The following KCNQ1OT1 variants were observed in gnomAD, a reference collection of about 807,000 sequenced individuals.
KCNQ1OT1 encodes the protein KCNQ1 opposite strand/antisense transcript 1.
chr11:2,653,992 G>T lies in KCNQ1OT1; in HGVS notation n.46003C>A, dbSNP rs569112725. 2.5e-6 allele frequency: 1 copy of T among 398,654 alleles called. No individual in the cohort carries two copies. Among genetic ancestry groups the T allele is most frequent in the Non-Finnish European group, 4.4e-6 (1 of 226,086 alleles). 24.7% of individuals were successfully genotyped at this position (398,654 alleles called of 1,614,324 possible). On this transcript the variant is annotated non_coding_transcript_exon_variant, in exon 1 of 1. Coordinates refer to ENST00000597346, the Ensembl canonical transcript of KCNQ1OT1. The surrounding 1 kb of genome is among the most constrained non-coding windows in gnomAD (Gnocchi z 5.3). ...GCAAGGTATTTTCCTAAGCGGAACTGGGTGCCAGCTGTGAATATACATTTT... is the reference window on the plus strand; with the variant it reads ...GCAAGGTATTTTCCTAAGCGGAACTTGGTGCCAGCTGTGAATATACATTTT...
Position 2,669,059 on chromosome 11 carries a change from T to C in KCNQ1OT1, n.30936A>G, listed in dbSNP as rs539816209. 4 of 398,564 alleles carry C rather than the reference T, an allele frequency of 1.0e-5. No individual in the cohort carries two copies. The South Asian group carries it at 5.1e-4, about 51-fold the overall frequency. 24.7% of individuals were successfully genotyped at this position (398,564 alleles called of 1,614,324 possible). On this transcript the variant is annotated non_coding_transcript_exon_variant, in exon 1 of 1. Coordinates refer to ENST00000597346, the Ensembl canonical transcript of KCNQ1OT1. The surrounding 1 kb of genome is among the most constrained non-coding windows in gnomAD (Gnocchi z 5.6). ...ACCCGGCATGGGAAGGCCCGTCCTC[T>C]CCCAACTACCCTGCCGTATCAGTGT...
At position 2,624,446 on chromosome 11, in the gene KCNQ1OT1, T is replaced by G. The variant is rs1849229877; in HGVS notation, n.75549A>C. The G allele has an allele frequency of 1.8e-5, 7 of 398,404 alleles. No individual in the cohort carries two copies. The East Asian group carries it at 2.5e-4, about 14-fold the overall frequency. 24.7% of individuals were successfully genotyped at this position (398,404 alleles called of 1,614,324 possible). A position where few individuals can be genotyped will look rare whatever the true frequency, so the allele number is the denominator to read the frequency against. On this transcript the variant is annotated non_coding_transcript_exon_variant, in exon 1 of 1. Coordinates refer to ENST00000597346, the Ensembl canonical transcript of KCNQ1OT1. This position sits in a 1 kb window ranked among gnomAD's most constrained non-coding sequence, Gnocchi z 4.9. ...CAAAGTCTAGCTTATCAATTATTTCTTTCATGAATCATGCCTTTGGTGTCA... is the reference window on the plus strand; with the variant it reads ...CAAAGTCTAGCTTATCAATTATTTCGTTCATGAATCATGCCTTTGGTGTCA...
At chr11:2,609,797 C>T (rs1354023775) in exon 1 of KCNQ1OT1, 2 of 398,032 alleles carry the variant, frequency 5.0e-6, no homozygotes, top group Non-Finnish European at 4.4e-6. Context: ...CAGTAACATT[C>T]TTAATTTAAA....
chr11:2,633,081 T>A (rs1849389686), exon 1 of KCNQ1OT1: 6 of 398,404 alleles, frequency 1.5e-5, no homozygotes, highest in Non-Finnish European at 2.7e-5. Context: ...GCATTTGTTA[T>A]GTTTTGTCTT....
At chr11:2,667,560 C>T (rs1056147017) in exon 1 of KCNQ1OT1, 1 of 128,752 alleles carries the variant, frequency 7.8e-6, no homozygotes, top group Non-Finnish European at 1.6e-5. Flanking sequence ...GGAGACACTT[C>T]TGGCAGTTGG....
In KCNQ1OT1 at chr11:2,608,564, C is replaced by T. The variant is rs1848920108; in HGVS notation, n.91431G>A. ...AATCATAGCTCACTGTAACCTCGAT[C>T]TCCTAGTCTCAAGTGATCCTTGCCC... On this transcript the variant is annotated non_coding_transcript_exon_variant, in exon 1 of 1. Coordinates refer to ENST00000597346, the Ensembl canonical transcript of KCNQ1OT1. The surrounding 1 kb of genome is among the most constrained non-coding windows in gnomAD (Gnocchi z 4.6). 2 of 398,470 alleles carry T rather than the reference C, an allele frequency of 5.0e-6. No individual in the cohort carries two copies. Among genetic ancestry groups the T allele is most frequent in the African/African-American group, 4.1e-5 (2 of 48,618 alleles). 24.7% of individuals were successfully genotyped at this position (398,470 alleles called of 1,614,324 possible). A position where few individuals can be genotyped will look rare whatever the true frequency, so the allele number is the denominator to read the frequency against.
Position 2,642,694 on chromosome 11 carries a change from T to C in KCNQ1OT1, n.57301A>G. The C allele has an allele frequency of 2.5e-6, 1 of 397,970 alleles. No homozygotes were observed. The highest frequency in any genetic ancestry group is 4.4e-6 in the Non-Finnish European group (1 of 225,704). The allele number at this position is 397,970 out of a possible 1,614,324, so 24.7% of individuals were successfully genotyped here. A position where few individuals can be genotyped will look rare whatever the true frequency, so the allele number is the denominator to read the frequency against. On this transcript the variant is annotated non_coding_transcript_exon_variant, in exon 1 of 1. Transcript: ENST00000597346. The surrounding 1 kb of genome is among the most constrained non-coding windows in gnomAD (Gnocchi z 4.3). ...CTGATCTTCGTTATTTCTTTCCTTC[T>C]ACTAATTTTATGTTTAGTATGGTTT...
chr11:2,656,770 A>T (rs1220885182), exon 1 of KCNQ1OT1: 3 of 398,220 alleles, frequency 7.5e-6, no homozygotes, highest in African/African-American at 2.1e-5. Context: ...TGCTTCTTTT[A>T]AAAAAAACCA....
rs186924948 is a variant in KCNQ1OT1 at position 2,666,528 on chromosome 11, C to T, written n.33467G>A. On this transcript the variant is annotated non_coding_transcript_exon_variant, in exon 1 of 1. Transcript: ENST00000597346. Reference sequence around the variant, plus strand: ...AAGGCCGCTGTGGCCTGGCTTTCATCCACATCACTACTAATGTCTCCTGAA... The same window carrying T: ...AAGGCCGCTGTGGCCTGGCTTTCATTCACATCACTACTAATGTCTCCTGAA... The T allele has an allele frequency of 1.0e-5, 4 of 398,690 alleles. No individual in the cohort carries two copies. The East Asian group carries it at 1.4e-4, about 14-fold the overall frequency. The allele number at this position is 398,690 out of a possible 1,614,324, so 24.7% of individuals were successfully genotyped here. A position where few individuals can be genotyped will look rare whatever the true frequency, so the allele number is the denominator to read the frequency against.
exon 1 of KCNQ1OT1, chr11:2,643,116 G>A: frequency 2.5e-6 from 1 of 398,210 alleles, no homozygotes; most frequent in Non-Finnish European, 4.4e-6. Flanking sequence ...ATGTACTGAT[G>A]AGAAGAGTGT....
At position 2,633,931 on chromosome 11, in the gene KCNQ1OT1, T is replaced by C. The variant is rs114473825; in HGVS notation, n.66064A>G. The stretch of plus-strand genomic sequence containing the variant: ...ATATTGCATTCTATCCTTGTTAGAT[T>C]ATGGGGAAAATCCACGTATAAATGA... On this transcript the variant is annotated non_coding_transcript_exon_variant, in exon 1 of 1. Transcript: ENST00000597346. 2,656 of 398,624 alleles carry C rather than the reference T, an allele frequency of 6.7e-3. 63 individuals are homozygous for C. The highest frequency in any genetic ancestry group is 0.051 in the African/African-American group (2,462 of 48,744). The allele number at this position is 398,624 out of a possible 1,614,324, so 24.7% of individuals were successfully genotyped here.
chr11:2,696,204 A>G (rs778499486), exon 1 of KCNQ1OT1: 5 of 398,380 alleles, frequency 1.3e-5, no homozygotes, highest in Non-Finnish European at 2.2e-5. Context: ...GGCCCTGGAG[A>G]TTATTCATTT....
In KCNQ1OT1 at chr11:2,679,329, C is replaced by A; in HGVS notation, n.20666G>T. 2.5e-6 allele frequency: 1 copy of A among 398,624 alleles called. No individual in the cohort carries two copies. The highest frequency in any genetic ancestry group is 4.4e-6 in the Non-Finnish European group (1 of 226,062). The allele number at this position is 398,624 out of a possible 1,614,324, so 24.7% of individuals were successfully genotyped here. A position where few individuals can be genotyped will look rare whatever the true frequency, so the allele number is the denominator to read the frequency against. On this transcript the variant is annotated non_coding_transcript_exon_variant, in exon 1 of 1. Transcript: ENST00000597346. The surrounding 1 kb of genome is among the most constrained non-coding windows in gnomAD (Gnocchi z 4.8). ...AGGGTCTGGAGTCTGAACTCATATC[C>A]TAATTCCACTACTTTCTACCTGCTA...
At chr11:2,649,490 G>A (rs1849725300) in exon 1 of KCNQ1OT1, 1 of 398,328 alleles carries the variant, frequency 2.5e-6, no homozygotes, top group African/African-American at 2.1e-5. Flanking sequence ...AATTCCCTCA[G>A]TTTTTGCTTG....
Position 2,651,009 on chromosome 11 carries a change from C to T in KCNQ1OT1, n.48986G>A, listed in dbSNP as rs1344192236. On this transcript the variant is annotated non_coding_transcript_exon_variant, in exon 1 of 1. Coordinates refer to ENST00000597346, the Ensembl canonical transcript of KCNQ1OT1. The surrounding 1 kb of genome is among the most constrained non-coding windows in gnomAD (Gnocchi z 6.1). The stretch of plus-strand genomic sequence containing the variant: ...CTCTCTGGATTTGCCCACACCTAGT[C>T]TCTCCAGCTATCTCCCTGGTTAAAA... 7.5e-6 allele frequency: 3 copies of T among 398,596 alleles called. No homozygotes were observed. The highest frequency in any genetic ancestry group is 6.2e-5 in the African/African-American group (3 of 48,636). 24.7% of individuals were successfully genotyped at this position (398,596 alleles called of 1,614,324 possible). A position where few individuals can be genotyped will look rare whatever the true frequency, so the allele number is the denominator to read the frequency against.
At chr11:2,685,332 C>G in exon 1 of KCNQ1OT1, 1 of 398,662 alleles carries the variant, frequency 2.5e-6, no homozygotes, top group East Asian at 3.6e-5. Context: ...AGGGACCCAG[C>G]CATGTCATGG....
Position 2,670,055 on chromosome 11 carries a change from C to T in KCNQ1OT1, n.29940G>A. The stretch of plus-strand genomic sequence containing the variant: ...AGGCGGAAACCTAGCACTCACTATT[C>T]TGCTCTGGGGAGGGGGTTGGAGGCA... On this transcript the variant is annotated non_coding_transcript_exon_variant, in exon 1 of 1. Transcript: ENST00000597346. The surrounding 1 kb of genome is among the most constrained non-coding windows in gnomAD (Gnocchi z 4.9). The T allele has an allele frequency of 2.5e-6, 1 of 398,654 alleles. No homozygotes were observed. Among genetic ancestry groups the T allele is most frequent in the East Asian group, 3.6e-5 (1 of 28,058 alleles). 24.7% of individuals were successfully genotyped at this position (398,654 alleles called of 1,614,324 possible).
chr11:2,684,338 A>G (rs1850448680), exon 1 of KCNQ1OT1: 1 of 398,618 alleles, frequency 2.5e-6, no homozygotes, highest in East Asian at 3.6e-5. Flanking sequence ...TGGCCCAGGT[A>G]TGTGTTTGAG....
rs986547270 is a variant in KCNQ1OT1, at chr11:2,655,000, C to A, written n.44995G>T. 2.5e-6 allele frequency: 1 copy of A among 398,454 alleles called. No individual in the cohort carries two copies. Among genetic ancestry groups the A allele is most frequent in the Non-Finnish European group, 4.4e-6 (1 of 226,082 alleles). The allele number at this position is 398,454 out of a possible 1,614,324, so 24.7% of individuals were successfully genotyped here. A position where few individuals can be genotyped will look rare whatever the true frequency, so the allele number is the denominator to read the frequency against. ...TCATGCAAAATAGAAAACACAGACA[C>A]AATAAGGAAGGAAATGAAAATCACC... On this transcript the variant is annotated non_coding_transcript_exon_variant, in exon 1 of 1. Coordinates refer to ENST00000597346, the Ensembl canonical transcript of KCNQ1OT1. This position sits in a 1 kb window ranked among gnomAD's most constrained non-coding sequence, Gnocchi z 6.4.
Sources: allele counts gnomAD v4.1 joint callset, GRCh38; gene constraint gnomAD v4.1.1; non-coding constraint Gnocchi (gnomAD v3.1); transcripts MANE v1.5; gene names NCBI Gene and HGNC (gene_info 2026-07-23, HGNC 2026-07-21).